MACROD2: variants seen among roughly 807,000 people sequenced by gnomAD.
MACROD2 encodes mono-ADP ribosylhydrolase 2.
A neutral mutation model predicts 70.4 loss-of-function variants in MACROD2; 36 were observed. That is an observed-to-expected ratio of 0.51 (90% CI 0.39 to 0.68). The LOEUF (loss-of-function observed/expected upper bound fraction) is 0.68. Among genes scored for constraint, MACROD2 ranks in the 30% least tolerant of loss-of-function variants. The pLI, the probability that MACROD2 is intolerant of heterozygous loss-of-function variation, is 0.00. For missense variants in MACROD2, 496 were observed against 538.4 expected, an observed-to-expected ratio of 0.92 and a Z score of 0.78; for synonymous variants, 172 against 178.8, an observed-to-expected ratio of 0.96 and a Z score of 0.30.
At chr20:15,357,993 A>G (rs2078308340) in intron 6 of MACROD2, among the ~76,000 whole-genome samples, 1 of 151,902 alleles carries the variant, frequency 6.6e-6, no homozygotes, top group Non-Finnish European at 1.5e-5. Context: ...TATTTTTAGT[A>G]GAGACGGGGT....
intron 8 of MACROD2, among the ~76,000 whole-genome samples, chr20:15,625,589 A>C (rs1041124255): frequency 6.6e-6 from 1 of 152,246 alleles, no homozygotes; most frequent in Non-Finnish European, 1.5e-5. Flanking sequence ...TGATTAAAAC[A>C]TATGTAAGAT....
intron 4 of MACROD2, among the ~76,000 whole-genome samples, chr20:14,564,332 C>T (rs891477253): frequency 1.5e-4 from 23 of 151,784 alleles, no homozygotes; most frequent in African/African-American, 5.3e-4. Flanking sequence ...ACAACAAAAA[C>T]GAAAATAGAA....
intron 6 of MACROD2, among the ~76,000 whole-genome samples, chr20:15,410,653 TCA>T (rs11471470): frequency 5.3e-5 from 8 of 150,626 alleles, no homozygotes; most frequent in South Asian, 2.1e-4. Context: ...CTGAATTCTG[TCA>T]CACACACACA....
At chr20:15,151,598 A>G (rs2076270531) in intron 5 of MACROD2, among the ~76,000 whole-genome samples, 1 of 152,008 alleles carries the variant, frequency 6.6e-6, no homozygotes, top group Non-Finnish European at 1.5e-5. Flanking sequence ...TTCACCTTTT[A>G]GGGTCTAGGG....
chr20:14,835,316 A>T (rs1214830984), intron 5 of MACROD2, among the ~76,000 whole-genome samples: 6 of 152,216 alleles, frequency 3.9e-5, no homozygotes, highest in South Asian at 2.1e-4. Flanking sequence ...ATGAAAGAAC[A>T]TGTGAAATAT....
chr20:14,438,992 A>G (rs1347155719), intron 3 of MACROD2, among the ~76,000 whole-genome samples: 1 of 152,194 alleles, frequency 6.6e-6, no homozygotes, highest in Non-Finnish European at 1.5e-5. Context: ...GGCTAATGCC[A>G]AGGAGGTTTT....
chr20:14,748,188 A>G (rs1438695398), intron 5 of MACROD2, among the ~76,000 whole-genome samples: 2 of 151,994 alleles, frequency 1.3e-5, no homozygotes, highest in African/African-American at 2.4e-5. Flanking sequence ...TGCCCATGTC[A>G]TGTGCTCACG....
chr20:16,019,458 C>T (rs6131764), intron 15 of MACROD2, among the ~76,000 whole-genome samples: 29,725 of 152,060 alleles, frequency 0.2, 3,345 homozygotes, highest in African/African-American at 0.31. Flanking sequence ...AAAAATGTGG[C>T]ACAGTGTGGC....
intron 8 of MACROD2, among the ~76,000 whole-genome samples, chr20:15,677,014 A>C (rs1004200718): frequency 6.6e-6 from 1 of 152,262 alleles, no homozygotes; most frequent in African/African-American, 2.4e-5. Context: ...TATAACATAT[A>C]AATTGATGAC....
intron 5 of MACROD2, among the ~76,000 whole-genome samples, chr20:14,913,478 G>A (rs138586680): frequency 6.6e-6 from 1 of 152,226 alleles, no homozygotes; most frequent in African/African-American, 2.4e-5. Context: ...ATTGAGGCCA[G>A]GAGTTCAAGA....
chr20:14,748,745 T>G (rs1236510808), intron 5 of MACROD2, among the ~76,000 whole-genome samples: 2 of 152,098 alleles, frequency 1.3e-5, no homozygotes, highest in Non-Finnish European at 2.9e-5. Flanking sequence ...TGAATTGGCT[T>G]TAGAAATTCT....
intron 5 of MACROD2, among the ~76,000 whole-genome samples, chr20:14,703,766 GC>G (rs1229734158): frequency 6.6e-6 from 1 of 151,744 alleles, no homozygotes; most frequent in Non-Finnish European, 1.5e-5. Context: ...TGGCTCTGTC[GC>G]CCAGGCTGGA....
At chr20:14,356,498 C>CTTTT (rs71190132) in intron 3 of MACROD2, among the ~76,000 whole-genome samples, 968 of 76,260 alleles carry the variant, frequency 0.013, no homozygotes, top group East Asian at 0.017. Flanking sequence ...GATCTACTTT[C>CTTTT]TTTTTTTTTT....
At chr20:15,238,625 C>T (rs775842392) in intron 6 of MACROD2, among the ~76,000 whole-genome samples, 5 of 151,952 alleles carry the variant, frequency 3.3e-5, no homozygotes, top group South Asian at 2.1e-4. Context: ...ACTTTAGGAC[C>T]GTGATCAATT....
At chr20:14,699,111 G>T (rs1239378073) in intron 5 of MACROD2, among the ~76,000 whole-genome samples, 1 of 152,102 alleles carries the variant, frequency 6.6e-6, no homozygotes, top group Non-Finnish European at 1.5e-5. Context: ...GAACTTCAGG[G>T]ACCTGAGAGC....
rs538732527 is a variant in MACROD2 at position 15,647,190 on chromosome 20, G to A, written c.645+147343G>A. The stretch of plus-strand genomic sequence containing the variant: ...GGAATCTTAGAGTTCTCCTCTCCCA[G>A]CCTGGGAGTACAAATGTCATAGAAT... On this transcript the variant is annotated intron_variant, in intron 8 of 17. Coordinates refer to ENST00000684519, the MANE Select transcript of MACROD2 (RefSeq NM_001351661.2). Among the ~76,000 whole-genome samples the A allele has an allele frequency of 5.9e-5, 9 of 152,322 alleles. No homozygotes were observed. The East Asian group carries it at 1.7e-3, about 29-fold the overall frequency.
At chr20:14,882,751 C>T (rs1283954780) in intron 5 of MACROD2, among the ~76,000 whole-genome samples, 1 of 151,314 alleles carries the variant, frequency 6.6e-6, no homozygotes, top group Non-Finnish European at 1.5e-5. Flanking sequence ...GATTTCAGGT[C>T]ACCAAAGGAA....
At chr20:13,996,618 T>C (rs1477733607) in intron 1 of MACROD2, among the ~76,000 whole-genome samples, 1 of 152,190 alleles carries the variant, frequency 6.6e-6, no homozygotes, top group Non-Finnish European at 1.5e-5. Context: ...TGGCACTGAT[T>C]CTTTAAGAAA....
Position 15,986,776 on chromosome 20 carries a change from G to A in MACROD2, c.1035G>A (p.Ser345=), listed in dbSNP as rs748741601. 12 of 1,612,886 alleles carry A rather than the reference G, an allele frequency of 7.4e-6. No homozygotes were observed. The highest frequency in any genetic ancestry group is 6.7e-5 in the Admixed American group (4 of 59,966). Residue 345 remains serine (S), a synonymous_variant, in exon 14 of 18, where the codon TCG becomes TCA. Transcript: ENST00000684519. ...ATGAAATAAAAATTGAAACAGAATC[G>A]CAGAGCTCATATATGGAAACAGAAG... The part of the protein sequence containing the change: ...TKNEIKIETE[S]QSSYMETEEL...
Sources: allele counts gnomAD v4.1 joint callset (sites outside exome capture counted in the v4.1 genomes callset), GRCh38; gene constraint gnomAD v4.1.1; transcripts MANE v1.5; gene names NCBI Gene and HGNC (gene_info 2026-07-23, HGNC 2026-07-21).